GPR20: variants seen among roughly 807,000 people sequenced by gnomAD.
The protein encoded by GPR20 is CTD-3064M3.3.
For synonymous variants in GPR20, 241 were observed against 241.9 expected (o/e 1.00, Z 0.04); for missense variants, 494 against 527.4 (o/e 0.94, Z 0.62).
chr8:141,360,341 C>A (rs75105786), intron 1 of GPR20, among the ~76,000 whole-genome samples: 6 of 152,230 alleles, frequency 3.9e-5, no homozygotes, highest in Non-Finnish European at 1.5e-5. Flanking sequence ...TGAGCCCTGA[C>A]CCTGGTCACA....
chr8:141,360,627 A>G (rs1389514624), intron 1 of GPR20, among the ~76,000 whole-genome samples: 2 of 152,212 alleles, frequency 1.3e-5, no homozygotes, highest in Non-Finnish European at 2.9e-5. Flanking sequence ...CGGGGACTCT[A>G]GACCCTGCAG....
At chr8:141,360,640 G>T (rs1444245857) in intron 1 of GPR20, among the ~76,000 whole-genome samples, 1 of 152,234 alleles carries the variant, frequency 6.6e-6, no homozygotes, top group Non-Finnish European at 1.5e-5. Context: ...CCCTGCAGGG[G>T]CCCATGGAAG....
rs141443646 is a variant in GPR20, at chr8:141,357,121, G to T, written c.803C>A (p.Pro268His). Residue 268 changes from proline (P) to histidine (H), a missense_variant, in exon 2 of 2, where the codon CCC (proline) becomes CAC (histidine). By Grantham distance (77) the Pro-to-His change is moderately conservative (BLOSUM62 -2). Transcript: ENST00000377741. Reference protein sequence around the residue: ...HARQVAVALWPDMPHHTSLVV... With the variant: ...HARQVAVALWHDMPHHTSLVV... ...GAGGCTCGTGTGGTGTGGCATGTCGGGCCACAGCGCCACGGCCACTTGGCG... is the reference window on the plus strand; with the variant it reads ...GAGGCTCGTGTGGTGTGGCATGTCGTGCCACAGCGCCACGGCCACTTGGCG... 3,054 of 1,611,574 alleles carry T rather than the reference G, an allele frequency of 1.9e-3. 3 individuals carry two copies. Among genetic ancestry groups the T allele is most frequent in the Non-Finnish European group, 2.3e-3 (2,745 of 1,179,928 alleles).
At chr8:141,361,469 C>A (rs1563706783) in intron 1 of GPR20, among the ~76,000 whole-genome samples, 2 of 152,226 alleles carry the variant, frequency 1.3e-5, no homozygotes, top group Admixed American at 6.5e-5. Flanking sequence ...AGAATCTCCC[C>A]TGGGGGTTCT....
intron 1 of GPR20, among the ~76,000 whole-genome samples, chr8:141,363,990 G>A (rs1831778042): frequency 6.6e-6 from 1 of 152,240 alleles, no homozygotes; most frequent in Non-Finnish European, 1.5e-5. Context: ...CATCCACACA[G>A]CAATCCCAGG....
At position 141,357,949 on chromosome 8, in the gene GPR20, T is replaced by C; in HGVS notation, c.-24-2A>G. 2 of 1,407,780 alleles carry C rather than the reference T, an allele frequency of 1.4e-6. No individual in the cohort carries two copies. Among genetic ancestry groups the C allele is most frequent in the Non-Finnish European group, 1.9e-6 (2 of 1,034,816 alleles). The allele number at this position is 1,407,780 out of a possible 1,614,324, so 87.2% of individuals were successfully genotyped here. On this transcript the variant is annotated splice_acceptor_variant, in intron 1 of 1. Transcript: ENST00000377741. LOFTEE classifies it low-confidence loss of function (5UTR_SPLICE). ...GACGGCAGCCAGCACACCCCAGGCCTGGAAGCAAGGAGACCAGGTCACCCC... is the reference window on the plus strand; with the variant it reads ...GACGGCAGCCAGCACACCCCAGGCCCGGAAGCAAGGAGACCAGGTCACCCC...
intron 1 of GPR20, among the ~76,000 whole-genome samples, chr8:141,361,450 G>A (rs1831732949): frequency 6.6e-6 from 1 of 152,238 alleles, no homozygotes. Context: ...TCTGTAGAGT[G>A]GGCAAAATAG....
Sources: gnomAD v4.1 joint callset for allele counts (sites outside exome capture counted in the v4.1 genomes callset) on GRCh38, gnomAD v4.1.1 for gene constraint, MANE v1.5 for transcripts, NCBI Gene and HGNC (gene_info 2026-07-23, HGNC 2026-07-21) for gene names.